The following ACSS1 variants were observed in gnomAD, a reference collection of about 807,000 sequenced individuals.
ACSS1 encodes the protein acyl-CoA synthetase short chain family member 1.
In ACSS1, 42 loss-of-function variants were observed where a neutral mutation model predicts 75.3. That is an observed-to-expected ratio of 0.56 (90% CI 0.44 to 0.72). The LOEUF (loss-of-function observed/expected upper bound fraction) is 0.72, where lower values mean the gene tolerates loss of function less well. Among genes scored for constraint, ACSS1 ranks in the 30% least tolerant of loss-of-function variants. The probability of loss-of-function intolerance (pLI) is 0.00; values close to 1 mark genes in which losing one functional copy is unlikely to be tolerated. For synonymous variants in ACSS1, 380 were observed against 376.8 expected (o/e 1.01, Z -0.10); for missense variants, 782 against 935.7 (o/e 0.84, Z 2.14).
chr20:25,031,115 T>G, intron 2 of ACSS1, 157 bp from the exon 3 acceptor site: 1 of 782,442 alleles, frequency 1.3e-6, no homozygotes, highest in Non-Finnish European at 2.1e-6. Context: ...AAAGTACTTT[T>G]CCAGAAAAAG....
At chr20:25,010,176 A>G (rs929569881) in intron 12 of ACSS1, 7 of 152,332 alleles carry the variant, frequency 4.6e-5, no homozygotes, top group African/African-American at 1.7e-4. Context: ...AAGCTTCTAT[A>G]TATGTGTGGC....
intron 1 of ACSS1, among the ~76,000 whole-genome samples, chr20:25,048,822 C>T (rs540377327): frequency 9.5e-4 from 144 of 152,358 alleles, no homozygotes; most frequent in South Asian, 3.3e-3. Flanking sequence ...CATGACCCTC[C>T]GGCAGAAACA....
chr20:25,050,803 C>T (rs1463581746), intron 1 of ACSS1, among the ~76,000 whole-genome samples: 1 of 152,046 alleles, frequency 6.6e-6, no homozygotes, highest in Non-Finnish European at 1.5e-5. Context: ...CATCCTGCAC[C>T]ATTTTATACC....
At chr20:25,008,672 T>C (rs2088352351) in intron 13 of ACSS1, among the ~76,000 whole-genome samples, 1 of 152,180 alleles carries the variant, frequency 6.6e-6, no homozygotes, top group South Asian at 2.1e-4. Flanking sequence ...CCTCCCCTGA[T>C]TCTGACCCCC....
intron 3 of ACSS1, among the ~76,000 whole-genome samples, chr20:25,026,564 G>T (rs2088722863): frequency 6.6e-6 from 1 of 152,208 alleles, no homozygotes; most frequent in African/African-American, 2.4e-5. Flanking sequence ...TAATGTCCCA[G>T]ATGTCATGGA....
intron 12 of ACSS1, 121 bp downstream of exon 12, chr20:25,012,478 CTG>C (rs1774945392): frequency 4.1e-6 from 5 of 1,220,864 alleles, no homozygotes; most frequent in Non-Finnish European, 4.7e-6. Flanking sequence ...GAGAAGAACA[CTG>C]AGAGCTTGGC....
intron 3 of ACSS1, among the ~76,000 whole-genome samples, chr20:25,024,335 A>C (rs1165504017): frequency 6.6e-6 from 1 of 152,226 alleles, no homozygotes. Flanking sequence ...GTGCACGCAC[A>C]GTGGGCCTCA....
At chr20:25,051,010 G>T (rs56246045) in intron 1 of ACSS1, among the ~76,000 whole-genome samples, 9,384 of 152,132 alleles carry the variant, frequency 0.062, 312 homozygotes, top group Non-Finnish European at 0.067. Context: ...ACATGCAGAG[G>T]TGCTCAAAAA....
chr20:25,030,597 C>T (rs967639886), intron 3 of ACSS1, among the ~76,000 whole-genome samples, 162 bp downstream of exon 3: 9 of 152,234 alleles, frequency 5.9e-5, no homozygotes, highest in African/African-American at 2.2e-4. Context: ...GCCCACAGAA[C>T]AAATTCTCAT....
intron 2 of ACSS1, among the ~76,000 whole-genome samples, chr20:25,033,798 C>T (rs963879328): frequency 1.3e-5 from 2 of 152,192 alleles, no homozygotes; most frequent in Non-Finnish European, 2.9e-5. Flanking sequence ...GCAGGGAGAG[C>T]TTTCTGGATA....
chr20:25,009,698 T>G, intron 12 of ACSS1: 1 of 350,846 alleles, frequency 2.9e-6, no homozygotes, highest in Non-Finnish European at 5.3e-6. Context: ...CCTCTCTGTG[T>G]ACACATCTGT....
chr20:25,037,267 T>C (rs2088929048), intron 2 of ACSS1, among the ~76,000 whole-genome samples: 1 of 152,048 alleles, frequency 6.6e-6, no homozygotes, highest in South Asian at 2.1e-4. Flanking sequence ...GCGCAGCAGG[T>C]GAGCATGAAG....
At chr20:25,015,341 C>CAAAGA in intron 7 of ACSS1, 111 bp from the exon 8 acceptor site, 3 of 844,972 alleles carry the variant, frequency 3.6e-6, no homozygotes, top group African/African-American at 1.7e-5. Context: ...GACTGAGTCT[C>CAAAGA]ACTCTGTCTC....
rs750089209 is a variant in ACSS1, at chr20:25,023,595, C to A, written c.678G>T (p.Gly226=). Residue 226 remains glycine, a synonymous_variant, in exon 4 of 14, where the codon GGG becomes GGT. Transcript: ENST00000323482. ...VITFNQGLRG[G]RVVELKKIVD... ...CTATTTTCTTCAGCTCCACCACGCG[C>A]CCACCCCGGAGTCCTTGGTTGAAGG... is the stretch of plus-strand genomic sequence containing the variant. The A allele has an allele frequency of 5.6e-6, 9 of 1,613,400 alleles. No homozygotes were observed. The highest frequency in any genetic ancestry group is 7.6e-6 in the Non-Finnish European group (9 of 1,179,718).
At chr20:25,045,553 G>A (rs2089074979) in intron 2 of ACSS1, among the ~76,000 whole-genome samples, 1 of 152,234 alleles carries the variant, frequency 6.6e-6, no homozygotes, top group South Asian at 2.1e-4. Context: ...CAGCCCCACG[G>A]GGTTTCTTTA....
At chr20:25,039,015 C>T (rs2088960440) in intron 2 of ACSS1, among the ~76,000 whole-genome samples, 1 of 152,122 alleles carries the variant, frequency 6.6e-6, no homozygotes, top group South Asian at 2.1e-4. Flanking sequence ...TCCCACTTGT[C>T]CTCACCCCAC....
chr20:25,053,395 C>T (rs1391981472), intron 1 of ACSS1, among the ~76,000 whole-genome samples: 2 of 152,038 alleles, frequency 1.3e-5, no homozygotes, highest in Non-Finnish European at 2.9e-5. Flanking sequence ...TAGCAATCTT[C>T]CCTGGCAGGC....
chr20:25,034,831 G>C (rs1007360719), intron 2 of ACSS1, among the ~76,000 whole-genome samples: 2 of 152,026 alleles, frequency 1.3e-5, no homozygotes, highest in African/African-American at 2.4e-5. Context: ...GCCTCCCAAA[G>C]TGCTGGGATT....
chr20:25,026,387 G>A (rs190931414), intron 3 of ACSS1, among the ~76,000 whole-genome samples: 209 of 152,342 alleles, frequency 1.4e-3, no homozygotes, highest in Non-Finnish European at 2.1e-3. Context: ...TGGACTGTAG[G>A]ACACTGGCAG....
Sources: allele counts gnomAD v4.1 joint callset (sites outside exome capture counted in the v4.1 genomes callset), GRCh38; gene constraint gnomAD v4.1.1; transcripts MANE v1.5; gene names NCBI Gene and HGNC (gene_info 2026-07-23, HGNC 2026-07-21).